NELFA: variants seen among roughly 807,000 people sequenced by gnomAD.
The protein encoded by NELFA is negative elongation factor complex member A.
In NELFA, 35 loss-of-function variants were observed where a neutral mutation model predicts 51.8. The observed-to-expected ratio is 0.68, with a 90% CI of 0.52 to 0.90. The LOEUF (loss-of-function observed/expected upper bound fraction) is 0.90. Among genes scored for constraint, NELFA ranks in the 40% least tolerant of loss-of-function variants. The probability of loss-of-function intolerance (pLI) is 0.00; values close to 1 mark genes in which losing one functional copy is unlikely to be tolerated. For synonymous variants in NELFA, 417 were observed against 338.4 expected (o/e 1.23, Z -2.55); for missense variants, 658 against 746.4 (o/e 0.88, Z 1.38).
intron 1 of NELFA, among the ~76,000 whole-genome samples, chr4:1,995,991 C>CA (rs1032094478): frequency 1.3e-5 from 2 of 150,312 alleles, no homozygotes; most frequent in African/African-American, 2.5e-5. Context: ...ACCTTTAAAA[C>CA]AAAAAACAGT....
At chr4:1,997,285 T>A (rs1048545908) in intron 1 of NELFA, among the ~76,000 whole-genome samples, 2 of 152,122 alleles carry the variant, frequency 1.3e-5, no homozygotes, top group Admixed American at 1.3e-4. Flanking sequence ...ACCAGATACA[T>A]TACAAATCCT....
chr4:1,985,045 G>C, intron 7 of NELFA, 126 bp from the exon 8 acceptor site: 1 of 679,538 alleles, frequency 1.5e-6, no homozygotes, highest in East Asian at 3.0e-5. Flanking sequence ...GGAAGGCGGG[G>C]GCCACTCTCC....
chr4:1,984,740 C>T (rs962933664), intron 8 of NELFA, 68 bp downstream of exon 8: 16 of 1,145,490 alleles, frequency 1.4e-5, no homozygotes, highest in South Asian at 2.8e-5. Context: ...GCCCTGGCAG[C>T]GCCCGTGGGC....
intron 1 of NELFA, among the ~76,000 whole-genome samples, chr4:2,003,247 T>C (rs1728623241): frequency 6.6e-6 from 1 of 152,136 alleles, no homozygotes; most frequent in African/African-American, 2.4e-5. Context: ...AGCGAGGCTG[T>C]GGAGAAATAG....
rs191572808 is a variant in NELFA, at chr4:2,003,007, C to A, written c.210+5743G>T. ...CATCTGACAAAGGGCTAATATCCAG[C>A]ATTTACAAGGAACTTAAACATATTT... On this transcript the variant is annotated intron_variant, in intron 1 of 10. Transcript: ENST00000382882. Among the ~76,000 whole-genome samples the A allele has an allele frequency of 3.3e-3, 509 of 152,252 alleles. 3 individuals are homozygous for A. Among genetic ancestry groups the A allele is most frequent in the Non-Finnish European group, 5.8e-3 (392 of 68,018 alleles).
chr4:2,008,961 T>G lies in NELFA; in HGVS notation c.-2A>C, dbSNP rs888198009. On this transcript the variant is annotated 5_prime_UTR_variant, in exon 1 of 11. Coordinates refer to ENST00000382882, the MANE Select transcript of NELFA (RefSeq NM_005663.5). ...GTCGCTCTCCCGCATGGACGCCATC[T>G]TGGGGGAAAGCGCGCGCCGCTGCCC... 6.4e-7 allele frequency: 1 copy of G among 1,555,968 alleles called. No homozygotes were observed. The highest frequency in any genetic ancestry group is 1.4e-5 in the African/African-American group (1 of 73,534).
At chr4:1,999,274 G>A (rs528184669) in intron 1 of NELFA, among the ~76,000 whole-genome samples, 140 of 151,100 alleles carry the variant, frequency 9.3e-4, no homozygotes, top group African/African-American at 3.3e-3. Flanking sequence ...CATGATTACA[G>A]GACCGAATTC....
intron 1 of NELFA, chr4:2,007,102 CA>C: frequency 2.4e-6 from 1 of 415,300 alleles, no homozygotes; most frequent in South Asian, 1.7e-5. Flanking sequence ...CCCAGCTACT[CA>C]GGAGGCTGAG....
chr4:1,995,470 A>G (rs1728396451), intron 1 of NELFA, among the ~76,000 whole-genome samples: 1 of 152,206 alleles, frequency 6.6e-6, no homozygotes, highest in Non-Finnish European at 1.5e-5. Context: ...ACTAAGATAA[A>G]TTAGAATGTC....
intron 1 of NELFA, among the ~76,000 whole-genome samples, chr4:1,993,314 G>T (rs959414043): frequency 6.6e-6 from 1 of 152,220 alleles, no homozygotes; most frequent in Admixed American, 6.5e-5. Flanking sequence ...GGGCGCGGTA[G>T]CTCATGTCTG....
chr4:1,990,494 C>T lies in NELFA; in HGVS notation c.383-625G>A, dbSNP rs148145653. 6.8e-4 allele frequency: 311 copies of T among 456,710 alleles called. 1 individual carries two copies. The highest frequency in any genetic ancestry group is 3.0e-3 in the African/African-American group (149 of 50,206). The allele number at this position is 456,710 out of a possible 1,614,324, so 28.3% of individuals were successfully genotyped here. On this transcript the variant is annotated intron_variant, in intron 2 of 10. Coordinates refer to ENST00000382882, the MANE Select transcript of NELFA (RefSeq NM_005663.5). ...CTGCCCGCGGGACACTCCTGAGACA[C>T]GAACGGGTGGGGTGGGGTGGACCTG...
intron 1 of NELFA, chr4:2,006,976 G>A (rs995009569): frequency 3.1e-5 from 5 of 159,454 alleles, no homozygotes; most frequent in South Asian, 1.5e-4. Flanking sequence ...CCAAACAGCA[G>A]GCCGAGTGCC....
rs766992470 is a variant in NELFA, at chr4:1,985,860, C to T, written c.840G>A (p.Ala280=). 15 of 1,612,472 alleles carry T rather than the reference C, an allele frequency of 9.3e-6. No individual in the cohort carries two copies. Among genetic ancestry groups the T allele is most frequent in the South Asian group, 4.4e-5 (4 of 90,922 alleles). The change falls in exon 7 of 11, where the codon GCG becomes GCA. Residue 280 remains alanine (A), a synonymous_variant. Transcript: ENST00000382882. ...CCTTGGCCGGCTTCTCCACCACCTCCGCATCTGTGGACAAAACAGGAGTCC... is the reference window on the plus strand; with the variant it reads ...CCTTGGCCGGCTTCTCCACCACCTCTGCATCTGTGGACAAAACAGGAGTCC... The part of the protein sequence containing the change: ...EAKRRRKTLD[A]EVVEKPAKEE...
In NELFA at chr4:1,983,356, C is replaced by T. The variant is rs1727954296; in HGVS notation, c.1550G>A (p.Arg517His). 15 of 1,614,190 alleles carry T rather than the reference C, an allele frequency of 9.3e-6. No individual in the cohort carries two copies. The highest frequency in any genetic ancestry group is 1.3e-5 in the Non-Finnish European group (15 of 1,180,028). Residue 517 changes from arginine to histidine, a missense_variant, in exon 11 of 11, where the codon CGC becomes CAC. Arg to His is a conservative substitution (Grantham distance 29). This residue lies in a region of NELFA where 87 missense variants were observed against 130.2 expected (regional missense o/e 0.67). Transcript: ENST00000382882. ...GGTCATGGGCTTGTACTTCTTGAAG[C>T]GCGTCCACTGGCCCGTGGCATAGTT... ...EMNYATGQWT[R>H]FKKYKPMTNV...
chr4:2,001,929 G>A (rs575092084), intron 1 of NELFA, among the ~76,000 whole-genome samples: 41 of 144,728 alleles, frequency 2.8e-4, no homozygotes, highest in Admixed American at 2.0e-3. Context: ...GGCCAGGCAC[G>A]GTGGCTCATG....
intron 1 of NELFA, among the ~76,000 whole-genome samples, chr4:1,993,005 G>A (rs966754866): frequency 6.6e-6 from 1 of 152,218 alleles, no homozygotes; most frequent in Non-Finnish European, 1.5e-5. Flanking sequence ...TGCGCGATGC[G>A]GCAGAAGATG....
At chr4:1,999,151 A>C (rs1007764279) in intron 1 of NELFA, among the ~76,000 whole-genome samples, 1 of 151,890 alleles carries the variant, frequency 6.6e-6, no homozygotes, top group Non-Finnish European at 1.5e-5. Context: ...GGAAAGAAGC[A>C]CTAAATATGG....
Position 1,989,868 on chromosome 4 carries a change from C to CA in NELFA, c.383dup (p.Glu130Ter). ...GCATGGCAGACGCTTCACACTCACC[C>CA]ACTGCCGGTAAGAACCACATGAAGT... On this transcript the variant is annotated frameshift_variant and splice_region_variant, in exon 3 of 11. Transcript: ENST00000382882. LOFTEE classifies it high-confidence loss of function. This position sits in a 1 kb window ranked among gnomAD's most constrained non-coding sequence, Gnocchi z 4.8. 1 of 1,612,988 alleles carries CA rather than the reference C, an allele frequency of 6.2e-7. No individual in the cohort carries two copies. Among genetic ancestry groups the CA allele is most frequent in the Admixed American group, 1.7e-5 (1 of 59,798 alleles).
At position 1,997,927 on chromosome 4, in the gene NELFA, C is replaced by T. The variant is rs528614067; in HGVS notation, c.211-6212G>A. Among the ~76,000 whole-genome samples, 6 of 152,302 alleles carry T rather than the reference C, an allele frequency of 3.9e-5. No individual in the cohort carries two copies. The South Asian group carries it at 1.2e-3, about 32-fold the overall frequency. ...AGATCAGAGGTCCCAGAAGAAGGAG[C>T]AGGCACCCATCTTTGCTGTTCTGCA... On this transcript the variant is annotated intron_variant, in intron 1 of 10. Coordinates refer to ENST00000382882, the MANE Select transcript of NELFA (RefSeq NM_005663.5).
Sources: allele counts gnomAD v4.1 joint callset (sites outside exome capture counted in the v4.1 genomes callset), GRCh38; gene constraint gnomAD v4.1.1; regional missense constraint gnomAD v4.1.1; non-coding constraint Gnocchi (gnomAD v3.1); transcripts MANE v1.5; gene names NCBI Gene and HGNC (gene_info 2026-07-23, HGNC 2026-07-21).